DNAJB1: variants seen among roughly 807,000 people sequenced by gnomAD.
DNAJB1 encodes the protein dnaJ homolog subfamily B member 1.
A neutral mutation model predicts 24.0 loss-of-function variants in DNAJB1; 14 were observed. The observed-to-expected ratio is 0.58, with a 90% confidence interval of 0.39 to 0.91. The LOEUF (loss-of-function observed/expected upper bound fraction) is 0.91. Ranked by LOEUF, DNAJB1 falls within the 40% of genes least tolerant of loss-of-function variation. The pLI is 0.00. For synonymous variants in DNAJB1, 262 were observed against 174.4 expected, an observed-to-expected ratio of 1.50 and a Z score of -3.96; for missense variants, 517 against 458.1, an observed-to-expected ratio of 1.13 and a Z score of -1.17.
At chr19:14,535,749 T>A (rs1374622223) in intron 1 of DNAJB1, among the ~76,000 whole-genome samples, 2 of 80,884 alleles carry the variant, frequency 2.5e-5, no homozygotes, top group Non-Finnish European at 5.1e-5. Flanking sequence ...AGAGTGAGAC[T>A]CTGTCTCAAA....
rs1279234224 is a variant in DNAJB1 at position 14,515,678 on chromosome 19, C to T, written c.*262G>A. Reference sequence around the variant, plus strand: ...ACTGGAGGTGGATGTGGGCCCATCCCGGGAGGGCTGCCAGACCCAGTGGGG... The same window carrying T: ...ACTGGAGGTGGATGTGGGCCCATCCTGGGAGGGCTGCCAGACCCAGTGGGG... On this transcript the variant is annotated 3_prime_UTR_variant, in exon 3 of 3. Coordinates refer to ENST00000254322, the MANE Select transcript of DNAJB1 (RefSeq NM_006145.3). 1.1e-5 allele frequency: 5 copies of T among 437,568 alleles called. No homozygotes were observed. The highest frequency in any genetic ancestry group is 4.9e-5 in the East Asian group (1 of 20,398). 27.1% of individuals were successfully genotyped at this position (437,568 alleles called of 1,614,324 possible).
intron 1 of DNAJB1, among the ~76,000 whole-genome samples, chr19:14,535,150 A>C (rs2072815341): frequency 6.6e-6 from 1 of 152,030 alleles, no homozygotes; most frequent in South Asian, 2.1e-4. Context: ...AGGCAGGAGG[A>C]TCACCTGAGG....
At chr19:14,527,615 A>T (rs1374187979) in intron 2 of DNAJB1, 2 of 152,214 alleles carry the variant, frequency 1.3e-5, no homozygotes, top group Non-Finnish European at 2.9e-5. Flanking sequence ...GCAGTCAGGG[A>T]TCCCCAAAGG....
chr19:14,534,696 C>G (rs1353295214), upstream of DNAJB1, among the ~76,000 whole-genome samples: 1 of 152,152 alleles, frequency 6.6e-6, no homozygotes, highest in African/African-American at 2.4e-5. Context: ...CTTGGCATCC[C>G]AAAGTGCTGG....
intron 1 of DNAJB1, among the ~76,000 whole-genome samples, chr19:14,528,573 T>C (rs2072491495): frequency 6.6e-6 from 1 of 151,868 alleles, no homozygotes; most frequent in Admixed American, 6.6e-5. Flanking sequence ...AGTGGCCCCA[T>C]TGGAGCCACT....
intron 1 of DNAJB1, among the ~76,000 whole-genome samples, chr19:14,539,533 G>T (rs2073024811): frequency 6.6e-6 from 1 of 152,028 alleles, no homozygotes. Context: ...CAGGCAGAAG[G>T]CCTTTTTGCC....
upstream of DNAJB1, among the ~76,000 whole-genome samples, chr19:14,551,922 C>T (rs1207623145): frequency 7.2e-5 from 9 of 124,162 alleles, no homozygotes; most frequent in Non-Finnish European, 1.4e-4. Flanking sequence ...CCCCTCCCTC[C>T]CTCCCTCTCT....
At chr19:14,539,750 C>T (rs67337363) in intron 1 of DNAJB1, among the ~76,000 whole-genome samples, 31,488 of 152,020 alleles carry the variant, frequency 0.21, 3,734 homozygotes, top group African/African-American at 0.32. Context: ...TGTTACCGAG[C>T]GCTCAGCTTC....
chr19:14,555,113 C>T (rs1404297160), upstream of DNAJB1, among the ~76,000 whole-genome samples: 1 of 150,804 alleles, frequency 6.6e-6, no homozygotes, highest in Non-Finnish European at 1.5e-5. Flanking sequence ...CTTGCTTTGT[C>T]CCCCAGGCAG....
chr19:14,517,683 AACCCAGCC>A (rs2072296669), intron 1 of DNAJB1: 2 of 143,518 alleles, frequency 1.4e-5, no homozygotes, highest in Admixed American at 1.4e-4. Flanking sequence ...GAATTATCCC[AACCCAGCC>A]CCCAAGCCCA....
chr19:14,529,633 C>A, upstream of DNAJB1: 6 of 1,613,022 alleles, frequency 3.7e-6, no homozygotes, highest in Non-Finnish European at 5.1e-6. Context: ...TGTAGGGAGC[C>A]TGTGCTGTGC....
At chr19:14,528,879 G>A (rs1160638431) in intron 1 of DNAJB1, among the ~76,000 whole-genome samples, 2 of 152,172 alleles carry the variant, frequency 1.3e-5, no homozygotes, top group African/African-American at 2.4e-5. Flanking sequence ...GGGAGGCGGA[G>A]GTTGCGTGAG....
At chr19:14,544,577 G>A (rs549037276) in intron 1 of DNAJB1, among the ~76,000 whole-genome samples, 2 of 69,090 alleles carry the variant, frequency 2.9e-5, no homozygotes, top group East Asian at 6.5e-4. Context: ...TAGTAGCAGA[G>A]GGTTCTGCTC....
chr19:14,523,958 G>A (rs750002210), intron 2 of DNAJB1, among the ~76,000 whole-genome samples: 1 of 152,116 alleles, frequency 6.6e-6, no homozygotes, highest in African/African-American at 2.4e-5. Flanking sequence ...GGCCAAGCCT[G>A]TTCCAAGTAC....
chr19:14,543,438 TTTTTTTTTTTTTTTTTTTG>T (rs2073193975), intron 1 of DNAJB1, among the ~76,000 whole-genome samples: 1 of 48,576 alleles, frequency 2.1e-5, no homozygotes, highest in Non-Finnish European at 4.6e-5. Flanking sequence ...TTTTTTTTTT[TTTTTTTTTTTTTTTTTTTG>T]AGACGGAGTC....
At chr19:14,516,308 ACGAAAGCTCCACAACAG>A in intron 2 of DNAJB1, 138 bp from the exon 3 acceptor site, 1 of 1,272,914 alleles carries the variant, frequency 7.9e-7, no homozygotes, top group Non-Finnish European at 1.1e-6. Context: ...CGTCCCCACC[ACGAAAGCTCCACAACAG>A]CGCCCTGGTC....
upstream of DNAJB1, among the ~76,000 whole-genome samples, chr19:14,550,947 C>T (rs541443277): frequency 1.3e-5 from 2 of 152,138 alleles, no homozygotes; most frequent in African/African-American, 2.4e-5. Flanking sequence ...ACTGGGATTA[C>T]AGGCATGAAC....
At chr19:14,556,849 A>G (rs988557612) in intron 1 of DNAJB1, among the ~76,000 whole-genome samples, 4 of 152,128 alleles carry the variant, frequency 2.6e-5, no homozygotes, top group Non-Finnish European at 5.9e-5. Flanking sequence ...GGAGCGTCGC[A>G]GCCTCCGCCG....
intron 1 of DNAJB1, 142 bp from the exon 2 acceptor site, chr19:14,517,188 T>C: frequency 1.3e-6 from 1 of 782,258 alleles, no homozygotes; most frequent in Non-Finnish European, 2.0e-6. Context: ...ACCCCAAGTT[T>C]CTACCTCTCA....
Sources: gnomAD v4.1 joint callset for allele counts (sites outside exome capture counted in the v4.1 genomes callset) on GRCh38, gnomAD v4.1.1 for gene constraint, MANE v1.5 for transcripts, NCBI Gene and HGNC (gene_info 2026-07-23, HGNC 2026-07-21) for gene names.